Variants in RBFOX1 observed in about 807,000 individuals in gnomAD.
RBFOX1 encodes the protein RNA binding fox-1 homolog 1.
Under a neutral mutation model 57.7 loss-of-function variants are expected in RBFOX1, and 8 were observed. That is an observed-to-expected ratio of 0.14 (90% confidence interval 0.08 to 0.25). The LOEUF (loss-of-function observed/expected upper bound fraction) is 0.25, where lower values mean the gene tolerates loss of function less well. RBFOX1 is among the 10% of genes least tolerant of loss of function. The probability of loss-of-function intolerance (pLI) is 1.00; values close to 1 mark genes in which losing one functional copy is unlikely to be tolerated. For synonymous variants in RBFOX1, 326 were observed against 222.4 expected, an observed-to-expected ratio of 1.47 and a Z score of -4.15; for missense variants, 611 against 548.5, an observed-to-expected ratio of 1.11 and a Z score of -1.14.
In RBFOX1 at chr16:7,102,398, G is replaced by C. The variant is rs76090679; in HGVS notation, c.27+50300G>C. Among the ~76,000 whole-genome samples, 336 of 152,230 alleles carry C rather than the reference G, an allele frequency of 2.2e-3. 1 individual carries two copies. The highest frequency in any genetic ancestry group is 7.4e-3 in the African/African-American group (308 of 41,540). ...GTCTTTAGTGAAGTGTTAAATAGTC[G>C]CTTTCAAGCATTCACTTTTGTAGAT... On this transcript the variant is annotated intron_variant, in intron 4 of 15. Coordinates refer to ENST00000550418, the MANE Select transcript of RBFOX1 (RefSeq NM_018723.4).
rs867492988 is a variant in RBFOX1, at chr16:6,212,119, A to G, written c.-126-104876A>G. Reference sequence around the variant, plus strand: ...GTGATCTGCCAACCTCGGCCTCCCAATGTGTTGAGATTACAGGTATGAGCC... The same window carrying G: ...GTGATCTGCCAACCTCGGCCTCCCAGTGTGTTGAGATTACAGGTATGAGCC... On this transcript the variant is annotated intron_variant, in intron 1 of 15. Transcript: ENST00000550418. 2.6e-5 allele frequency among the ~76,000 whole-genome samples: 4 copies of G among 152,174 alleles called. No individual in the cohort carries two copies. In the South Asian group the frequency reaches 8.3e-4, roughly 32 times the overall value.
chr16:7,446,596 G>C (rs9302847), intron 4 of RBFOX1, among the ~76,000 whole-genome samples: 151,447 of 152,166 alleles, frequency 1, 75,375 homozygotes, highest in Middle Eastern at 1. Context: ...GTGTCCTATA[G>C]TTCTCTTTCA....
At chr16:5,971,912 TCCAGTCA>T (rs1282996298) in intron 4 of RBFOX1, among the ~76,000 whole-genome samples, 2 of 152,312 alleles carry the variant, frequency 1.3e-5, no homozygotes, top group African/African-American at 4.8e-5. Context: ...GTGGGCCTCA[TCCAGTCA>T]GCTGAAGGCC....
intron 3 of RBFOX1, among the ~76,000 whole-genome samples, chr16:5,697,312 A>G (rs1481847824): frequency 6.6e-6 from 1 of 151,784 alleles, no homozygotes; most frequent in Non-Finnish European, 1.5e-5. Context: ...AAGCATATAC[A>G]TCTCTATATA....
At chr16:6,442,934 A>T (rs2153030532) in intron 2 of RBFOX1, among the ~76,000 whole-genome samples, 1 of 152,296 alleles carries the variant, frequency 6.6e-6, no homozygotes, top group African/African-American at 2.4e-5. Context: ...TTTTGCACCA[A>T]CTTAATAAAA....
intron 2 of RBFOX1, among the ~76,000 whole-genome samples, chr16:5,536,453 C>A (rs2044701173): frequency 6.6e-6 from 1 of 151,988 alleles, no homozygotes; most frequent in South Asian, 2.1e-4. Context: ...TCAGCCTGAT[C>A]TTGAACTCCT....
intron 3 of RBFOX1, among the ~76,000 whole-genome samples, chr16:7,018,666 A>G (rs913975309): frequency 1.3e-5 from 2 of 152,162 alleles, no homozygotes; most frequent in Non-Finnish European, 2.9e-5. Context: ...GTGTTCCACA[A>G]CATTAGGAGA....
chr16:6,131,838 C>A (rs1055537589), intron 1 of RBFOX1, among the ~76,000 whole-genome samples: 1 of 152,146 alleles, frequency 6.6e-6, no homozygotes, highest in Non-Finnish European at 1.5e-5. Context: ...AACACATTCT[C>A]CTGCCACTCT....
At chr16:7,635,286 C>G (rs375780879) in intron 11 of RBFOX1, among the ~76,000 whole-genome samples, 2 of 152,160 alleles carry the variant, frequency 1.3e-5, no homozygotes, top group Non-Finnish European at 2.9e-5. Flanking sequence ...AGCCAGCTAC[C>G]GCAGATCCTT....
chr16:6,083,955 T>C (rs1379055601), intron 1 of RBFOX1, among the ~76,000 whole-genome samples: 1 of 152,310 alleles, frequency 6.6e-6, no homozygotes, highest in African/African-American at 2.4e-5. Context: ...TTGGGGGAAT[T>C]CTCCTTTTGA....
In RBFOX1 at chr16:7,711,316, C is replaced by G. The variant is rs1425601553; in HGVS notation, c.*571C>G. On this transcript the variant is annotated 3_prime_UTR_variant, in exon 16 of 16. Transcript: ENST00000550418. ...GGTTCTAAGTTACTCATTGCCAGTT[C>G]AAGCCAAAGGTCATGTTGTTAAGGG... 6.6e-6 allele frequency: 1 copy of G among 152,386 alleles called. No individual in the cohort carries two copies. Among genetic ancestry groups the G allele is most frequent in the Non-Finnish European group, 1.5e-5 (1 of 68,036 alleles). The allele number at this position is 152,386 out of a possible 1,614,324, so 9.4% of individuals were successfully genotyped here. A position where few individuals can be genotyped will look rare whatever the true frequency, so the allele number is the denominator to read the frequency against.
intron 2 of RBFOX1, among the ~76,000 whole-genome samples, chr16:6,506,605 A>T (rs73528448): frequency 0.02 from 2,921 of 145,550 alleles, 168 homozygotes; most frequent in African/African-American, 0.072. Flanking sequence ...ATAAACGGTA[A>T]TAACAATCAC....
intron 3 of RBFOX1, among the ~76,000 whole-genome samples, chr16:7,022,350 C>T (rs1195048520): frequency 1.3e-5 from 2 of 151,714 alleles, no homozygotes; most frequent in Admixed American, 6.6e-5. Flanking sequence ...ACCACTGCAC[C>T]TGGCCGTGAA....
At chr16:6,354,888 G>A (rs934027104) in intron 2 of RBFOX1, among the ~76,000 whole-genome samples, 1 of 152,124 alleles carries the variant, frequency 6.6e-6, no homozygotes, top group Non-Finnish European at 1.5e-5. Flanking sequence ...GGAGTCCTGA[G>A]GTTACCGTCA....
chr16:6,747,779 C>G (rs1307238673), intron 3 of RBFOX1, among the ~76,000 whole-genome samples: 1 of 152,120 alleles, frequency 6.6e-6, no homozygotes, highest in East Asian at 1.9e-4. Context: ...AGTTGTCAAT[C>G]TACATGCTCA....
chr16:7,166,818 C>G (rs2079601815), intron 4 of RBFOX1, among the ~76,000 whole-genome samples: 4 of 152,010 alleles, frequency 2.6e-5, no homozygotes, highest in Non-Finnish European at 5.9e-5. Flanking sequence ...ACCCATGCGG[C>G]ATCTCTCCCA....
intron 1 of RBFOX1, among the ~76,000 whole-genome samples, chr16:6,140,053 T>G (rs920746799): frequency 2.6e-5 from 4 of 152,220 alleles, no homozygotes; most frequent in African/African-American, 7.2e-5. Context: ...ACGTTTTCCC[T>G]TTGATTTCTC....
chr16:6,114,784 C>T (rs958949095), intron 1 of RBFOX1, among the ~76,000 whole-genome samples: 1 of 152,132 alleles, frequency 6.6e-6, no homozygotes, highest in African/African-American at 2.4e-5. Flanking sequence ...GGATTATTGG[C>T]TTCACCTGCA....
At chr16:5,567,760 TGTCGTC>T (rs1191102858) in intron 2 of RBFOX1, among the ~76,000 whole-genome samples, 17 of 151,846 alleles carry the variant, frequency 1.1e-4, no homozygotes, top group African/African-American at 4.1e-4. Context: ...CCATCATCAT[TGTCGTC>T]ACCGTCACCT....
Sources: allele counts gnomAD v4.1 joint callset (sites outside exome capture counted in the v4.1 genomes callset), GRCh38; gene constraint gnomAD v4.1.1; transcripts MANE v1.5; gene names NCBI Gene and HGNC (gene_info 2026-07-23, HGNC 2026-07-21).